Variants in GPC3 observed in about 807,000 individuals in gnomAD.
GPC3 encodes the protein glypican-3.
A neutral mutation model predicts 34.4 loss-of-function variants in GPC3; 3 were observed. The ratio of observed to expected loss-of-function variants is 0.09; its 90% CI spans 0.04 to 0.23. The LOEUF is 0.23. Among genes scored for constraint, GPC3 ranks in the 10% least tolerant of loss-of-function variants. The pLI is 1.00. For missense variants in GPC3, 351 were observed against 445.6 expected, an observed-to-expected ratio of 0.79 and a Z score of 1.91; for synonymous variants, 177 against 174.0, an observed-to-expected ratio of 1.02 and a Z score of -0.13.
chrX:133,694,332 C>T (rs1455631895), intron 4 of GPC3, among the ~76,000 whole-genome samples: 1 of 110,519 alleles, frequency 9.0e-6, no homozygotes, highest in Non-Finnish European at 1.9e-5. Flanking sequence ...AAGTCACTTC[C>T]TGTTATGCCT....
chrX:133,672,360 C>A (rs915456710), intron 5 of GPC3, among the ~76,000 whole-genome samples: 3 of 111,952 alleles, frequency 2.7e-5, no homozygotes, highest in African/African-American at 9.8e-5. Flanking sequence ...CTAAACATGG[C>A]GGTCAGGACA....
intron 6 of GPC3, among the ~76,000 whole-genome samples, chrX:133,650,214 C>T (rs1235047668): frequency 3.6e-5 from 4 of 111,401 alleles, no homozygotes; most frequent in Admixed American, 9.6e-5. Flanking sequence ...GAGCAAAATG[C>T]AAAAGGAATG....
At chrX:133,912,512 T>G (rs771974793) in intron 2 of GPC3, among the ~76,000 whole-genome samples, 273 of 64,720 alleles carry the variant, frequency 4.2e-3, no homozygotes, top group African/African-American at 0.015. Context: ...AGGAATTGGG[T>G]TTTTTTTTTT....
At chrX:133,745,629 T>A (rs762546926) in intron 3 of GPC3, among the ~76,000 whole-genome samples, 4 of 112,720 alleles carry the variant, frequency 3.5e-5, no homozygotes, top group Non-Finnish European at 5.6e-5. Flanking sequence ...TATTTAGATA[T>A]GCCTTCTGCT....
intron 1 of GPC3, among the ~76,000 whole-genome samples, chrX:133,953,859 G>A (rs187619184): frequency 2.7e-5 from 3 of 111,685 alleles, no homozygotes; most frequent in Non-Finnish European, 5.6e-5. Context: ...CATTCTGGGA[G>A]ATAACAAACA....
At chrX:133,913,753 AG>A (rs2124609165) in intron 2 of GPC3, among the ~76,000 whole-genome samples, 1 of 111,402 alleles carries the variant, frequency 9.0e-6, no homozygotes, top group African/African-American at 3.3e-5. Context: ...ACTCTATTCT[AG>A]GGACTGAAGA....
intron 2 of GPC3, among the ~76,000 whole-genome samples, chrX:133,944,540 G>T (rs1015309421): frequency 1.8e-5 from 2 of 111,311 alleles, no homozygotes; most frequent in Admixed American, 9.6e-5. Context: ...ACTGTATATT[G>T]TACGGTTTTA....
intron 2 of GPC3, among the ~76,000 whole-genome samples, chrX:133,869,827 C>T (rs909607284): frequency 2.7e-5 from 3 of 111,393 alleles, no homozygotes; most frequent in East Asian, 2.8e-4. Context: ...CGGTGGTGGG[C>T]GCCTGTAGTC....
intron 6 of GPC3, among the ~76,000 whole-genome samples, chrX:133,658,204 T>C (rs1170130054): frequency 8.9e-6 from 1 of 112,311 alleles, no homozygotes; most frequent in Non-Finnish European, 1.9e-5. Context: ...CTGAACTCAC[T>C]GGATCTTTTG....
At chrX:133,806,080 T>C (rs1005372440) in intron 2 of GPC3, among the ~76,000 whole-genome samples, 17 of 112,255 alleles carry the variant, frequency 1.5e-4, no homozygotes, top group African/African-American at 4.9e-4. Context: ...CTTCATGCCA[T>C]TGAAGAGCAA....
At position 133,623,240 on chromosome X, in the gene GPC3, C is replaced by A. The variant is rs138402247; in HGVS notation, c.1414-26641G>T. Reference sequence around the variant, plus strand: ...TATAAAGACAATCAAGGCTAGGAAGCAACTGCATCAACTAACGAGCAAAAT... The same window carrying A: ...TATAAAGACAATCAAGGCTAGGAAGAAACTGCATCAACTAACGAGCAAAAT... On this transcript the variant is annotated intron_variant, in intron 6 of 7. Coordinates refer to ENST00000370818, the MANE Select transcript of GPC3 (RefSeq NM_004484.4). 9.0e-3 allele frequency among the ~76,000 whole-genome samples: 1,005 copies of A among 111,853 alleles called. 15 individuals carry two copies. Among genetic ancestry groups the A allele is most frequent in the African/African-American group, 0.03 (910 of 30,797 alleles).
intron 6 of GPC3, among the ~76,000 whole-genome samples, chrX:133,604,189 T>G (rs947128625): frequency 9.0e-6 from 1 of 111,215 alleles, no homozygotes; most frequent in Non-Finnish European, 1.9e-5. Flanking sequence ...GTAATAGAGA[T>G]CTCATTAACA....
chrX:133,958,370 G>A (rs1032019944), intron 1 of GPC3, among the ~76,000 whole-genome samples: 123 of 109,108 alleles, frequency 1.1e-3, no homozygotes, highest in African/African-American at 3.7e-3. Context: ...GTGAGACCCC[G>A]TCTCTATAAA....
chrX:133,717,315 G>C (rs1379653134), intron 3 of GPC3, among the ~76,000 whole-genome samples: 1 of 110,691 alleles, frequency 9.0e-6, no homozygotes, highest in East Asian at 2.8e-4. Context: ...GGGATTAAGG[G>C]AGGAGACCAC....
chrX:133,546,859 A>C (rs2069391459), intron 7 of GPC3, among the ~76,000 whole-genome samples: 2 of 112,422 alleles, frequency 1.8e-5, no homozygotes, highest in African/African-American at 6.5e-5. Context: ...TATCGAAGAG[A>C]TATCTGTACT....
At chrX:133,564,027 G>C (rs2069561580) in intron 7 of GPC3, among the ~76,000 whole-genome samples, 1 of 110,797 alleles carries the variant, frequency 9.0e-6, no homozygotes, top group Non-Finnish European at 1.9e-5. Context: ...TCAAGTCTGG[G>C]ATTCAGGCAC....
intron 6 of GPC3, among the ~76,000 whole-genome samples, chrX:133,633,930 G>A (rs1216205787): frequency 4.5e-5 from 5 of 111,780 alleles, no homozygotes; most frequent in Non-Finnish European, 9.4e-5. Context: ...GAATACTTAG[G>A]AGGGGAGAAT....
Position 133,889,929 on chromosome X carries a change from C to T in GPC3, c.337+63121G>A, listed in dbSNP as rs535445973. On this transcript the variant is annotated intron_variant, in intron 2 of 7. Transcript: ENST00000370818. ...CAACTCGCTACAAACTCCACTGCCT[C>T]GCTAATTTTTTTTGTATTTTTAGTA... Among the ~76,000 whole-genome samples the T allele has an allele frequency of 3.5e-3, 368 of 104,338 alleles. 2 individuals carry two copies. The highest frequency in any genetic ancestry group is 0.012 in the African/African-American group (351 of 28,439). 90.6% of individuals were successfully genotyped at this position (104,338 alleles called of 115,157 possible).
intron 6 of GPC3, among the ~76,000 whole-genome samples, chrX:133,597,011 C>T (rs2069925851): frequency 9.0e-6 from 1 of 111,184 alleles, no homozygotes; most frequent in Non-Finnish European, 1.9e-5. Context: ...TTTACAGTCA[C>T]TAAATTAAAA....
Sources: gnomAD v4.1 joint callset for allele counts (sites outside exome capture counted in the v4.1 genomes callset) on GRCh38, gnomAD v4.1.1 for gene constraint, MANE v1.5 for transcripts, NCBI Gene and HGNC (gene_info 2026-07-23, HGNC 2026-07-21) for gene names.